GRIP1: variants seen among roughly 807,000 people sequenced by gnomAD.
The protein encoded by GRIP1 is glutamate receptor-interacting protein 1.
A neutral mutation model predicts 129.9 loss-of-function variants in GRIP1; 45 were observed. The observed-to-expected ratio is 0.35, with a 90% CI of 0.27 to 0.44. The LOEUF (loss-of-function observed/expected upper bound fraction) is 0.44. GRIP1 is among the 20% of genes least tolerant of loss of function. The probability of loss-of-function intolerance (pLI) is 1.00; values close to 1 mark genes in which losing one functional copy is unlikely to be tolerated. For synonymous variants in GRIP1, 530 were observed against 520.8 expected, an observed-to-expected ratio of 1.02 and a Z score of -0.24; for missense variants, 1,196 against 1,396.8, an observed-to-expected ratio of 0.86 and a Z score of 2.29.
At chr12:66,736,076 CAAA>C (rs1414601485) in intron 1 of GRIP1, among the ~76,000 whole-genome samples, 1 of 152,118 alleles carries the variant, frequency 6.6e-6, no homozygotes, top group East Asian at 1.9e-4. Flanking sequence ...CCTGCACAGT[CAAA>C]AATCTGTGTA....
chr12:66,802,779 A>G (rs148463363), intron 1 of GRIP1, among the ~76,000 whole-genome samples: 1 of 152,288 alleles, frequency 6.6e-6, no homozygotes, highest in Admixed American at 6.5e-5. Context: ...CAATCTGACA[A>G]TATTTTTTGA....
At chr12:66,667,674 C>T (rs1292153468) in intron 1 of GRIP1, among the ~76,000 whole-genome samples, 2 of 152,124 alleles carry the variant, frequency 1.3e-5, no homozygotes, top group African/African-American at 4.8e-5. Flanking sequence ...GCCTATTCCT[C>T]AACTCCACAC....
chr12:67,040,043 C>T (rs774644904), intron 1 of GRIP1, among the ~76,000 whole-genome samples: 13 of 152,108 alleles, frequency 8.5e-5, no homozygotes, highest in Admixed American at 3.3e-4. Context: ...AAAATCTTTC[C>T]TCCAGTCCCA....
At chr12:66,624,266 A>G (rs943771746) in intron 1 of GRIP1, among the ~76,000 whole-genome samples, 2 of 152,202 alleles carry the variant, frequency 1.3e-5, no homozygotes, top group Non-Finnish European at 2.9e-5. Context: ...TGTTGCACAG[A>G]GATCAGCACC....
chr12:66,827,893 C>T (rs552459527), intron 1 of GRIP1, among the ~76,000 whole-genome samples: 17 of 152,226 alleles, frequency 1.1e-4, no homozygotes, highest in African/African-American at 3.4e-4. Flanking sequence ...GGGCCACTAC[C>T]GAATAAGTGT....
intron 9 of GRIP1, 97 bp from the exon 10 acceptor site, chr12:66,456,439 T>C (rs1201175276): frequency 1.9e-5 from 11 of 589,708 alleles, no homozygotes; most frequent in South Asian, 1.7e-4. Context: ...AAATTAAAAG[T>C]ATAACAAAAA....
chr12:66,547,527 A>G (rs10784553), intron 2 of GRIP1, among the ~76,000 whole-genome samples: 103,274 of 152,056 alleles, frequency 0.68, 35,613 homozygotes, highest in African/African-American at 0.81. Context: ...CAACCAAGAT[A>G]TCCTGCAACA....
chr12:66,574,129 T>G (rs1162023443), intron 2 of GRIP1, among the ~76,000 whole-genome samples: 1 of 152,224 alleles, frequency 6.6e-6, no homozygotes, highest in Non-Finnish European at 1.5e-5. Flanking sequence ...AGGCTCTGTG[T>G]GGTATCAGCT....
intron 1 of GRIP1, among the ~76,000 whole-genome samples, chr12:66,749,363 A>T (rs1035748639): frequency 6.6e-6 from 1 of 152,124 alleles, no homozygotes; most frequent in Non-Finnish European, 1.5e-5. Context: ...CTCAATTCTC[A>T]ATGGCCCCTA....
intron 1 of GRIP1, among the ~76,000 whole-genome samples, chr12:66,844,586 T>C (rs1276713787): frequency 6.6e-6 from 1 of 152,198 alleles, no homozygotes; most frequent in East Asian, 1.9e-4. Context: ...ATTATGTGCT[T>C]CACAATTCCA....
At chr12:67,020,221 T>C (rs944901647) in intron 1 of GRIP1, among the ~76,000 whole-genome samples, 31 of 152,246 alleles carry the variant, frequency 2.0e-4, no homozygotes, top group Non-Finnish European at 3.8e-4. Context: ...TTTGATTTAA[T>C]GAATCATTGA....
At chr12:66,738,644 T>C (rs914354588) in intron 1 of GRIP1, among the ~76,000 whole-genome samples, 11 of 151,970 alleles carry the variant, frequency 7.2e-5, no homozygotes, top group African/African-American at 2.7e-4. Flanking sequence ...AGAAGATGGG[T>C]CAGAAGGAGC....
chr12:66,894,480 T>C (rs10784594), intron 1 of GRIP1, among the ~76,000 whole-genome samples: 1 of 152,056 alleles, frequency 6.6e-6, no homozygotes, highest in African/African-American at 2.4e-5. Context: ...CACTTTTTAA[T>C]TTTTGCATTA....
chr12:67,008,315 G>GA (rs1220347052), intron 1 of GRIP1, among the ~76,000 whole-genome samples: 3 of 152,128 alleles, frequency 2.0e-5, no homozygotes, highest in East Asian at 1.9e-4. Context: ...ATTCTTTGGG[G>GA]AAAAAAATGT....
chr12:66,761,869 G>A (rs571085608), intron 1 of GRIP1, among the ~76,000 whole-genome samples: 21 of 152,246 alleles, frequency 1.4e-4, no homozygotes, highest in African/African-American at 4.6e-4. Context: ...ATGTGGTGCA[G>A]CAAGGAAAAG....
chr12:66,806,938 A>G (rs933963387), upstream of GRIP1, among the ~76,000 whole-genome samples: 7 of 152,126 alleles, frequency 4.6e-5, no homozygotes, highest in Non-Finnish European at 8.8e-5. Context: ...GAAGGCATAC[A>G]GCAGAAGGTG....
At chr12:66,585,362 T>C (rs902243928) in intron 2 of GRIP1, among the ~76,000 whole-genome samples, 1 of 136,426 alleles carries the variant, frequency 7.3e-6, no homozygotes, top group African/African-American at 2.7e-5. Context: ...GTTTGGTTTT[T>C]TGTTCTTGCG....
At chr12:67,067,396 T>G (rs936922833) in intron 1 of GRIP1, among the ~76,000 whole-genome samples, 1 of 152,180 alleles carries the variant, frequency 6.6e-6, no homozygotes, top group African/African-American at 2.4e-5. Flanking sequence ...CATTGTGACA[T>G]TTAGTTGATA....
At chr12:66,847,789 A>G (rs1382005318) in intron 1 of GRIP1, among the ~76,000 whole-genome samples, 3 of 152,170 alleles carry the variant, frequency 2.0e-5, no homozygotes, top group East Asian at 1.9e-4. Context: ...TCAAGACCCA[A>G]TGGTGGCTGG....
Sources: allele counts gnomAD v4.1 joint callset (sites outside exome capture counted in the v4.1 genomes callset), GRCh38; gene constraint gnomAD v4.1.1; transcripts MANE v1.5; gene names NCBI Gene and HGNC (gene_info 2026-07-23, HGNC 2026-07-21).